The following DTWD2 variants were observed in gnomAD, a reference collection of about 807,000 sequenced individuals.
DTWD2 encodes the protein DTW motif tRNA-uridine aminocarboxypropyltransferase 2, also known as tRNA-uridine aminocarboxypropyltransferase 2.
In DTWD2, 39 loss-of-function variants were observed where a neutral mutation model predicts 31.8. That is an observed-to-expected ratio of 1.22 (90% CI 0.95 to 1.60). The LOEUF (loss-of-function observed/expected upper bound fraction) is 1.60. Among genes scored for constraint, DTWD2 ranks in the 40% most tolerant of loss-of-function variants. The pLI, the probability that DTWD2 is intolerant of heterozygous loss-of-function variation, is 0.00. For missense variants in DTWD2, 515 were observed against 381.5 expected, an observed-to-expected ratio of 1.35 and a Z score of -2.92; for synonymous variants, 180 against 142.8, an observed-to-expected ratio of 1.26 and a Z score of -1.86.
At chr5:118,980,672 T>C (rs1176094917) in intron 1 of DTWD2, among the ~76,000 whole-genome samples, 1 of 152,150 alleles carries the variant, frequency 6.6e-6, no homozygotes, top group Non-Finnish European at 1.5e-5. Flanking sequence ...TTGGCAGGAA[T>C]GTGGAAAAAA....
At chr5:118,885,086 A>G (rs1319590424) in intron 4 of DTWD2, among the ~76,000 whole-genome samples, 1 of 150,864 alleles carries the variant, frequency 6.6e-6, no homozygotes, top group Non-Finnish European at 1.5e-5. Flanking sequence ...AGGCAGGAGG[A>G]CTGCTTAAGC....
chr5:118,960,511 C>T (rs1225414617), intron 1 of DTWD2, among the ~76,000 whole-genome samples: 2 of 152,122 alleles, frequency 1.3e-5, no homozygotes, highest in African/African-American at 4.8e-5. Flanking sequence ...CTATGGAAAG[C>T]GGTTTAGCAA....
chr5:118,885,378 G>A (rs1263000945), intron 4 of DTWD2, among the ~76,000 whole-genome samples: 5 of 150,558 alleles, frequency 3.3e-5, no homozygotes, highest in Non-Finnish European at 7.4e-5. Context: ...CTTGAACCCG[G>A]GAGGTGGAGG....
chr5:118,956,459 C>T (rs1580435960), intron 1 of DTWD2, among the ~76,000 whole-genome samples: 2 of 152,266 alleles, frequency 1.3e-5, no homozygotes, highest in Middle Eastern at 3.4e-3. Context: ...TAAACAAATG[C>T]TGTAATACAA....
At chr5:118,962,707 T>G (rs988877818) in intron 1 of DTWD2, among the ~76,000 whole-genome samples, 1 of 152,216 alleles carries the variant, frequency 6.6e-6, no homozygotes, top group Non-Finnish European at 1.5e-5. Flanking sequence ...TAACATTTAT[T>G]GCACACTTTT....
chr5:118,926,425 AT>A (rs1753809560), intron 4 of DTWD2, among the ~76,000 whole-genome samples: 1 of 152,126 alleles, frequency 6.6e-6, no homozygotes, highest in African/African-American at 2.4e-5. Flanking sequence ...AAAACACTAA[AT>A]ATTCGGTACA....
chr5:118,871,393 T>C (rs1053652038), intron 4 of DTWD2, among the ~76,000 whole-genome samples: 6 of 152,222 alleles, frequency 3.9e-5, no homozygotes, highest in African/African-American at 4.8e-5. Flanking sequence ...TAGCAGGTTT[T>C]GAACTTACTT....
At chr5:118,915,938 A>T (rs1022414049) in intron 4 of DTWD2, among the ~76,000 whole-genome samples, 2 of 152,246 alleles carry the variant, frequency 1.3e-5, no homozygotes, top group Non-Finnish European at 2.9e-5. Context: ...CCACAACAGT[A>T]ATGCAATGTG....
rs1175211762 is a variant in DTWD2, at chr5:118,988,466, G to A, written c.46C>T (p.Arg16Trp). Residue 16 changes from arginine to tryptophan, a missense_variant, in exon 1 of 6, where the codon CGG (arginine) becomes TGG (tryptophan). By Grantham distance (101) the Arg-to-Trp change is moderately radical. Coordinates refer to ENST00000510708, the MANE Select transcript of DTWD2 (RefSeq NM_173666.4). ...EARTLQEPVA[R>W]PSGASSSQTP... is the part of the protein sequence containing the mutation. ...TGAGAGCTTGAGGCCCCAGAAGGCC[G>A]CGCAACGGGCTCCTGGAGTGTTCGT... 12 of 1,605,490 alleles carry A rather than the reference G, an allele frequency of 7.5e-6. No homozygotes were observed. The highest frequency in any genetic ancestry group is 1.0e-5 in the Non-Finnish European group (12 of 1,177,656).
intron 4 of DTWD2, among the ~76,000 whole-genome samples, chr5:118,874,909 C>A (rs974179942): frequency 6.6e-6 from 1 of 151,936 alleles, no homozygotes; most frequent in African/African-American, 2.4e-5. Flanking sequence ...GACTGATAAT[C>A]ATCAGATCCT....
At chr5:118,849,841 A>T (rs1019909739) in intron 4 of DTWD2, among the ~76,000 whole-genome samples, 3 of 152,068 alleles carry the variant, frequency 2.0e-5, no homozygotes, top group African/African-American at 7.2e-5. Flanking sequence ...ACACATGGAC[A>T]TCAGGAGGGG....
At chr5:118,970,749 G>C (rs879973445) in intron 1 of DTWD2, among the ~76,000 whole-genome samples, 1 of 152,160 alleles carries the variant, frequency 6.6e-6, no homozygotes, top group Non-Finnish European at 1.5e-5. Flanking sequence ...AGAAACGCCA[G>C]GTAACCTACA....
chr5:118,925,713 C>T (rs907125949), intron 4 of DTWD2, among the ~76,000 whole-genome samples: 2 of 151,620 alleles, frequency 1.3e-5, no homozygotes, highest in African/African-American at 4.9e-5. Flanking sequence ...GGCGCAGTGG[C>T]GGGTACCTGT....
chr5:118,901,481 CTGA>C (rs1186605194), intron 4 of DTWD2, among the ~76,000 whole-genome samples: 1 of 152,200 alleles, frequency 6.6e-6, no homozygotes, highest in African/African-American at 2.4e-5. Context: ...GAATGCCTCT[CTGA>C]TGATTCTTTT....
chr5:118,982,667 T>C (rs1755327845), intron 1 of DTWD2, among the ~76,000 whole-genome samples: 1 of 151,592 alleles, frequency 6.6e-6, no homozygotes, highest in Non-Finnish European at 1.5e-5. Flanking sequence ...ATTTTAAATT[T>C]ACCAAAATAG....
At chr5:118,971,642 T>A (rs891512459) in intron 1 of DTWD2, among the ~76,000 whole-genome samples, 1 of 152,196 alleles carries the variant, frequency 6.6e-6, no homozygotes, top group Non-Finnish European at 1.5e-5. Flanking sequence ...CTGATAGAGA[T>A]CTACAGAACT....
intron 4 of DTWD2, among the ~76,000 whole-genome samples, chr5:118,904,578 G>A (rs1177467733): frequency 6.6e-6 from 1 of 151,942 alleles, no homozygotes; most frequent in South Asian, 2.1e-4. Flanking sequence ...TACATAAGAC[G>A]GGTACATAGA....
At chr5:118,943,944 A>T (rs1754267274) in intron 2 of DTWD2, among the ~76,000 whole-genome samples, 1 of 152,236 alleles carries the variant, frequency 6.6e-6, no homozygotes. Flanking sequence ...ATAATTTCAT[A>T]GTATGCATTG....
At chr5:118,986,112 T>C (rs937958331) in intron 1 of DTWD2, among the ~76,000 whole-genome samples, 6 of 152,190 alleles carry the variant, frequency 3.9e-5, no homozygotes, top group African/African-American at 1.2e-4. Context: ...CCATGTCCCA[T>C]GACCCTCAGC....
Sources: gnomAD v4.1 joint callset for allele counts (sites outside exome capture counted in the v4.1 genomes callset) on GRCh38, gnomAD v4.1.1 for gene constraint, MANE v1.5 for transcripts, NCBI Gene and HGNC (gene_info 2026-07-23, HGNC 2026-07-21) for gene names.